Variants in TMEM182 observed in about 807,000 individuals in gnomAD.
TMEM182 encodes transmembrane protein 182.
In TMEM182, 20 loss-of-function variants were observed where a neutral mutation model predicts 26.8. The ratio of observed to expected loss-of-function variants is 0.75; its 90% CI spans 0.53 to 1.09. The LOEUF (loss-of-function observed/expected upper bound fraction) is 1.09, where lower values mean the gene tolerates loss of function less well. TMEM182 is among the 50% of genes least tolerant of loss of function. The pLI, the probability that TMEM182 is intolerant of heterozygous loss-of-function variation, is 0.00. For synonymous variants in TMEM182, 109 were observed against 102.2 expected (o/e 1.07, Z -0.40); for missense variants, 277 against 275.5 (o/e 1.01, Z -0.04).
chr2:102,811,455 A>G (rs2104752778), intron 4 of TMEM182, among the ~76,000 whole-genome samples: 1 of 152,280 alleles, frequency 6.6e-6, no homozygotes, highest in Admixed American at 6.5e-5. Flanking sequence ...ATTGGAAGAG[A>G]TTTTGAACTT....
downstream of TMEM182, chr2:102,817,686 G>C (rs889911683): frequency 3.0e-6 from 3 of 984,072 alleles, no homozygotes; most frequent in East Asian, 3.4e-4. Flanking sequence ...GGAAGTGTCA[G>C]TGTTGGTAAT....
chr2:102,839,162 C>T (rs1363010313), intron 3 of TMEM182, among the ~76,000 whole-genome samples: 1 of 152,068 alleles, frequency 6.6e-6, no homozygotes, highest in South Asian at 2.1e-4. Context: ...GTTTGTTTCA[C>T]ATGGCATAAA....
chr2:102,806,289 C>T (rs1272548778), intron 4 of TMEM182, among the ~76,000 whole-genome samples: 2 of 151,942 alleles, frequency 1.3e-5, no homozygotes, highest in East Asian at 3.9e-4. Flanking sequence ...TTTTTACTTC[C>T]TAGAAGTAAA....
chr2:102,757,134 A>C (rs977712573), upstream of TMEM182, among the ~76,000 whole-genome samples: 5 of 152,078 alleles, frequency 3.3e-5, no homozygotes, highest in African/African-American at 1.2e-4. Context: ...AAGATTGGCA[A>C]GGAGGGAGAG....
chr2:102,843,785 T>C (rs1212962266), exon 4 of TMEM182: 1 of 152,252 alleles, frequency 6.6e-6, no homozygotes, highest in African/African-American at 2.4e-5. Context: ...ATTGAATGAA[T>C]GGATGAAATG....
At chr2:102,821,227 A>G (rs1033313359), downstream of TMEM182, among the ~76,000 whole-genome samples, 3 of 152,222 alleles carry the variant, frequency 2.0e-5, no homozygotes, top group Non-Finnish European at 4.4e-5. Flanking sequence ...TTAGGCTACT[A>G]TGACCTGCAC....
At position 102,798,087 on chromosome 2, in the gene TMEM182, T is replaced by TTCTAGTAAC; in HGVS notation, c.469+88_469+96dup. On this transcript the variant is annotated intron_variant, in intron 4 of 4. Transcript: ENST00000412401. ...TCATTTCTATATTCAGGCGTCAGCCTTCTAGTAACAGTAACACAATAATAT... is the reference window on the plus strand; with the variant it reads ...TCATTTCTATATTCAGGCGTCAGCCTTCTAGTAACTCTAGTAACAGTAACACAATAATAT... 2.0e-6 allele frequency: 3 copies of TTCTAGTAAC among 1,484,150 alleles called. No individual in the cohort carries two copies. The South Asian group carries it at 4.1e-5, about 20-fold the overall frequency. The allele number at this position is 1,484,150 out of a possible 1,614,324, so 91.9% of individuals were successfully genotyped here. A position where few individuals can be genotyped will look rare whatever the true frequency, so the allele number is the denominator to read the frequency against.
chr2:102,756,855 C>A (rs1680054533), intron 1 of TMEM182, among the ~76,000 whole-genome samples: 1 of 151,958 alleles, frequency 6.6e-6, no homozygotes, highest in Non-Finnish European at 1.5e-5. Flanking sequence ...ACTGTGTAGC[C>A]CAGGCTGGAG....
intron 1 of TMEM182, among the ~76,000 whole-genome samples, chr2:102,739,872 G>A (rs1363097315): frequency 2.6e-5 from 4 of 152,110 alleles, no homozygotes; most frequent in African/African-American, 9.7e-5. Context: ...TGTTTATGCT[G>A]CTCGCTGTGT....
chr2:102,776,158 TACA>T (rs1680907068), intron 3 of TMEM182, among the ~76,000 whole-genome samples: 1 of 152,162 alleles, frequency 6.6e-6, no homozygotes, highest in South Asian at 2.1e-4. Context: ...GTACGTTTGT[TACA>T]ATTGATGAGC....
intron 3 of TMEM182, among the ~76,000 whole-genome samples, chr2:102,770,996 C>T (rs1268453137): frequency 6.6e-6 from 1 of 152,070 alleles, no homozygotes; most frequent in African/African-American, 2.4e-5. Flanking sequence ...TGAGATACCC[C>T]CACCTCTGGC....
intron 1 of TMEM182, among the ~76,000 whole-genome samples, chr2:102,747,303 C>T (rs1679729982): frequency 6.6e-6 from 1 of 152,132 alleles, no homozygotes; most frequent in Non-Finnish European, 1.5e-5. Context: ...ATCCAGTCTC[C>T]CTGGACATTG....
At chr2:102,759,139 A>G (rs2104650648), upstream of TMEM182, among the ~76,000 whole-genome samples, 1 of 152,270 alleles carries the variant, frequency 6.6e-6, no homozygotes, top group African/African-American at 2.4e-5. Flanking sequence ...CTTTTCCCCT[A>G]ATTAAAAAAA....
intron 3 of TMEM182, among the ~76,000 whole-genome samples, chr2:102,784,832 G>A (rs908695712): frequency 6.6e-6 from 1 of 152,140 alleles, no homozygotes; most frequent in Admixed American, 6.5e-5. Context: ...GACAACCAGA[G>A]GTCACTCTCA....
chr2:102,814,250 A>C lies in TMEM182; in HGVS notation c.470-498A>C, dbSNP rs1682659254. ...AGCTGGGTTATAATAGTATAACAAGAGTCAGAAAGACCCGGGCTGAAAATC... is the reference window on the plus strand; with the variant it reads ...AGCTGGGTTATAATAGTATAACAAGCGTCAGAAAGACCCGGGCTGAAAATC... On this transcript the variant is annotated intron_variant, in intron 4 of 4. Coordinates refer to ENST00000412401, the MANE Select transcript of TMEM182 (RefSeq NM_144632.5). 3.3e-5 allele frequency among the ~76,000 whole-genome samples: 5 copies of C among 152,278 alleles called. No homozygotes were observed. The South Asian group carries it at 1.0e-3, about 32-fold the overall frequency.
chr2:102,779,868 C>T (rs977920947), intron 3 of TMEM182, among the ~76,000 whole-genome samples: 5 of 151,816 alleles, frequency 3.3e-5, no homozygotes, highest in African/African-American at 4.8e-5. Flanking sequence ...CTGGGTGTGG[C>T]GGTGGGTGCC....
At chr2:102,836,831 T>C (rs1042014022) in intron 3 of TMEM182, among the ~76,000 whole-genome samples, 1 of 152,160 alleles carries the variant, frequency 6.6e-6, no homozygotes, top group Admixed American at 6.5e-5. Flanking sequence ...CATGGCAGGG[T>C]TGGCCATTAA....
chr2:102,775,424 C>T (rs1680871529), intron 3 of TMEM182: 1 of 152,068 alleles, frequency 6.6e-6, no homozygotes, highest in Non-Finnish European at 1.5e-5. Flanking sequence ...AAACCCACAG[C>T]CAATATCATA....
rs1682695955 is a variant in TMEM182, at chr2:102,815,060, G to A, written c.*92G>A. ...TTTCATTGATCCCAGCATAAAGTTAGTAGATATAACTTTTTAGTTGCTATT... is the reference window on the plus strand; with the variant it reads ...TTTCATTGATCCCAGCATAAAGTTAATAGATATAACTTTTTAGTTGCTATT... On this transcript the variant is annotated 3_prime_UTR_variant, in exon 5 of 5. Transcript: ENST00000412401. The A allele has an allele frequency of 2.7e-6, 4 of 1,505,312 alleles. No homozygotes were observed. Among genetic ancestry groups the A allele is most frequent in the Non-Finnish European group, 3.5e-6 (4 of 1,131,278 alleles). 93.2% of individuals were successfully genotyped at this position (1,505,312 alleles called of 1,614,324 possible). A position where few individuals can be genotyped will look rare whatever the true frequency, so the allele number is the denominator to read the frequency against.
Sources: allele counts gnomAD v4.1 joint callset (sites outside exome capture counted in the v4.1 genomes callset), GRCh38; gene constraint gnomAD v4.1.1; transcripts MANE v1.5; gene names NCBI Gene and HGNC (gene_info 2026-07-23, HGNC 2026-07-21).